ADAMTS20: variants seen among roughly 807,000 people sequenced by gnomAD.
ADAMTS20 encodes the protein ADAM metallopeptidase with thrombospondin type 1 motif 20.
A neutral mutation model predicts 260.1 loss-of-function variants in ADAMTS20; 225 were observed. The observed-to-expected ratio is 0.87, with a 90% CI of 0.78 to 0.97. The LOEUF (loss-of-function observed/expected upper bound fraction) is 0.97. Ranked by LOEUF, ADAMTS20 falls within the 50% of genes least tolerant of loss-of-function variation. The pLI is 0.00. For synonymous variants in ADAMTS20, 802 were observed against 769.5 expected, an observed-to-expected ratio of 1.04 and a Z score of -0.70; for missense variants, 2,400 against 2,337.7, an observed-to-expected ratio of 1.03 and a Z score of -0.55.
At chr12:43,362,185 G>T (rs1340458077) in intron 37 of ADAMTS20, among the ~76,000 whole-genome samples, 1 of 152,184 alleles carries the variant, frequency 6.6e-6, no homozygotes, top group Non-Finnish European at 1.5e-5. Flanking sequence ...AGTTGAAATG[G>T]ATGTGTCACC....
At chr12:43,474,366 G>C (rs1162521215) in intron 7 of ADAMTS20, among the ~76,000 whole-genome samples, 75 of 149,770 alleles carry the variant, frequency 5.0e-4, no homozygotes, top group African/African-American at 1.6e-3. Context: ...CAACCAAAAA[G>C]AGTCCAGGAC....
In ADAMTS20 at chr12:43,393,928, C is replaced by T. The variant is rs765387519; in HGVS notation, c.4452+5138G>A. 8.6e-5 allele frequency among the ~76,000 whole-genome samples: 13 copies of T among 152,012 alleles called. No homozygotes were observed. In the South Asian group the frequency reaches 1.9e-3, roughly 22 times the overall value. On this transcript the variant is annotated intron_variant, in intron 29 of 38. Coordinates refer to ENST00000389420, the MANE Select transcript of ADAMTS20 (RefSeq NM_025003.5). ...AGCAGCCATGGCATTTTTTAATCTG[C>T]AATATTAGCAAATATTCTCTTATAT...
At chr12:43,392,319 GA>G (rs1198000650) in intron 29 of ADAMTS20, among the ~76,000 whole-genome samples, 2 of 151,730 alleles carry the variant, frequency 1.3e-5, no homozygotes, top group African/African-American at 2.4e-5. Flanking sequence ...AGAATTCCTG[GA>G]AAAAAATAGT....
At chr12:43,362,277 C>T (rs140855832) in intron 37 of ADAMTS20, among the ~76,000 whole-genome samples, 21 of 152,150 alleles carry the variant, frequency 1.4e-4, no homozygotes, top group South Asian at 4.1e-4. Flanking sequence ...CTTAAGAACA[C>T]GTATAAAAAG....
At chr12:43,373,668 CTCTT>C (rs1940154470) in intron 36 of ADAMTS20, among the ~76,000 whole-genome samples, 1 of 128,058 alleles carries the variant, frequency 7.8e-6, no homozygotes, top group African/African-American at 2.9e-5. Flanking sequence ...GAAATATCAT[CTCTT>C]TTTTTTTTTT....
chr12:43,544,629 G>A (rs542293128), intron 2 of ADAMTS20, among the ~76,000 whole-genome samples: 12 of 152,286 alleles, frequency 7.9e-5, no homozygotes, highest in South Asian at 6.2e-4. Context: ...ATAGTTAGGA[G>A]GTTGAGGGAA....
chr12:43,401,667 C>A (rs1321656611), intron 28 of ADAMTS20, among the ~76,000 whole-genome samples: 1 of 151,378 alleles, frequency 6.6e-6, no homozygotes, highest in Non-Finnish European at 1.5e-5. Context: ...CTGTTATTGT[C>A]ATTGAACATA....
rs189808759 is a variant in ADAMTS20 at position 43,409,398 on chromosome 12, C to T, written c.4285-10165G>A. ...CGGGCGGATCACGAGGTCAGGAGAT[C>T]GAGACCATCCCGGCTAAAACGGTGA... On this transcript the variant is annotated intron_variant, in intron 28 of 38. Transcript: ENST00000389420. 5.5e-3 allele frequency among the ~76,000 whole-genome samples: 838 copies of T among 151,286 alleles called. 5 individuals carry two copies. Among genetic ancestry groups the T allele is most frequent in the Non-Finnish European group, 9.0e-3 (610 of 67,794 alleles).
intron 36 of ADAMTS20, among the ~76,000 whole-genome samples, chr12:43,373,961 G>A (rs1481744212): frequency 1.3e-5 from 2 of 151,990 alleles, no homozygotes; most frequent in African/African-American, 2.4e-5. Flanking sequence ...TTACAGGCGT[G>A]AGTCACCGCG....
chr12:43,423,854 C>A, intron 28 of ADAMTS20: 4 of 720,934 alleles, frequency 5.5e-6, no homozygotes, highest in African/African-American at 1.7e-5. Flanking sequence ...CTTTCCATGG[C>A]AAAATATGTT....
At position 43,462,928 on chromosome 12, in the gene ADAMTS20, TG is replaced by T; in HGVS notation, c.1580del (p.Pro527HisfsTer20). 6.2e-7 allele frequency: 1 copy of T among 1,609,034 alleles called. No homozygotes were observed. The highest frequency in any genetic ancestry group is 8.5e-7 in the Non-Finnish European group (1 of 1,177,446). On this transcript the variant is annotated frameshift_variant, in exon 11 of 39. Coordinates refer to ENST00000389420, the MANE Select transcript of ADAMTS20 (RefSeq NM_025003.5). LOFTEE classifies it high-confidence loss of function. ...LHKGCFTQHV[P>X]PADGTDCGPG... The stretch of plus-strand genomic sequence containing the variant: ...GACCGCAGTCTGTTCCATCTGCTGG[TG>T]GCACGTGTTGAGTGAAACAGCCTTT...
At chr12:43,410,185 G>A (rs1432307826) in intron 28 of ADAMTS20, among the ~76,000 whole-genome samples, 1 of 152,064 alleles carries the variant, frequency 6.6e-6, no homozygotes, top group African/African-American at 2.4e-5. Flanking sequence ...AGAAACATAT[G>A]TGATGTAAGA....
intron 29 of ADAMTS20, among the ~76,000 whole-genome samples, chr12:43,387,201 G>A (rs1271891687): frequency 6.6e-6 from 1 of 152,192 alleles, no homozygotes; most frequent in Non-Finnish European, 1.5e-5. Flanking sequence ...TGATGTTCAT[G>A]CCATTGCTTT....
At chr12:43,547,754 G>T (rs1022586893) in intron 2 of ADAMTS20, among the ~76,000 whole-genome samples, 2 of 152,142 alleles carry the variant, frequency 1.3e-5, no homozygotes, top group African/African-American at 4.8e-5. Flanking sequence ...GAAATCAAAT[G>T]GATATTATAG....
chr12:43,382,701 T>A (rs1940380652), intron 31 of ADAMTS20, among the ~76,000 whole-genome samples: 2 of 151,930 alleles, frequency 1.3e-5, no homozygotes, highest in African/African-American at 4.8e-5. Context: ...AAATAAAAAT[T>A]GGAAAATTTT....
chr12:43,467,526 G>C (rs866679361), intron 8 of ADAMTS20, among the ~76,000 whole-genome samples: 7 of 152,044 alleles, frequency 4.6e-5, no homozygotes, highest in African/African-American at 1.7e-4. Context: ...CCATATACTA[G>C]AGACACCTAA....
chr12:43,442,321 A>G (rs4768498), intron 16 of ADAMTS20, among the ~76,000 whole-genome samples: 11,968 of 151,084 alleles, frequency 0.079, 968 homozygotes, highest in East Asian at 0.46. Flanking sequence ...GCAGTGACAC[A>G]ATTTCAGCTC....
chr12:43,397,967 C>T (rs914961685), intron 29 of ADAMTS20, among the ~76,000 whole-genome samples: 6 of 152,072 alleles, frequency 3.9e-5, no homozygotes, highest in Non-Finnish European at 7.4e-5. Context: ...ACATGCTGAG[C>T]GCAAAGAGAG....
Position 43,446,594 on chromosome 12 carries a change from C to T in ADAMTS20, c.2197+1G>A. ...AATCTAGAAACAAATACACAACTTA[C>T]CATAATGAGAACTGTTGAAGACACC... On this transcript the variant is annotated splice_donor_variant, in intron 15 of 38. Transcript: ENST00000389420. LOFTEE classifies it high-confidence loss of function. 1 of 1,609,240 alleles carries T rather than the reference C, an allele frequency of 6.2e-7. No homozygotes were observed. The highest frequency in any genetic ancestry group is 8.5e-7 in the Non-Finnish European group (1 of 1,176,066).
Sources: allele counts gnomAD v4.1 joint callset (sites outside exome capture counted in the v4.1 genomes callset), GRCh38; gene constraint gnomAD v4.1.1; transcripts MANE v1.5; gene names NCBI Gene and HGNC (gene_info 2026-07-23, HGNC 2026-07-21).